The following IL1RAPL1 variants were observed in gnomAD, a reference collection of about 807,000 sequenced individuals.
IL1RAPL1 encodes the protein interleukin-1 receptor accessory protein-like 1.
In IL1RAPL1, 3 loss-of-function variants were observed where a neutral mutation model predicts 48.4. The ratio of observed to expected loss-of-function variants is 0.06; its 90% CI spans 0.03 to 0.16. The LOEUF (loss-of-function observed/expected upper bound fraction) is 0.16. IL1RAPL1 is among the 10% of genes least tolerant of loss of function. The probability of loss-of-function intolerance (pLI) is 1.00; values close to 1 mark genes in which losing one functional copy is unlikely to be tolerated. For synonymous variants in IL1RAPL1, 185 were observed against 187.7 expected (o/e 0.99, Z 0.12); for missense variants, 349 against 530.6 (o/e 0.66, Z 3.36).
At chrX:29,256,021 G>C (rs1931752416) in intron 2 of IL1RAPL1, among the ~76,000 whole-genome samples, 1 of 111,627 alleles carries the variant, frequency 9.0e-6, no homozygotes, top group African/African-American at 3.3e-5. Flanking sequence ...TTGGTTAACT[G>C]AGAAATCTCC....
At chrX:29,192,539 A>G (rs73212132) in intron 2 of IL1RAPL1, among the ~76,000 whole-genome samples, 1,617 of 111,890 alleles carry the variant, frequency 0.014, 18 homozygotes, top group Non-Finnish European at 0.021. Flanking sequence ...TAGAAAACCA[A>G]ATCTATATCA....
chrX:29,906,326 C>A (rs1323280126), intron 6 of IL1RAPL1, among the ~76,000 whole-genome samples: 1 of 87,478 alleles, frequency 1.1e-5, no homozygotes, highest in Non-Finnish European at 2.1e-5. Flanking sequence ...TAGAGCGAGA[C>A]TCTGTCTCAA....
chrX:29,397,767 T>TC (rs989747204), intron 4 of IL1RAPL1, among the ~76,000 whole-genome samples: 2 of 111,491 alleles, frequency 1.8e-5, no homozygotes, highest in African/African-American at 3.3e-5. Flanking sequence ...CCCTTTTTTT[T>TC]CTTAGTACTC....
chrX:28,709,533 A>T (rs1048512294), intron 1 of IL1RAPL1, among the ~76,000 whole-genome samples: 1 of 111,247 alleles, frequency 9.0e-6, no homozygotes, highest in East Asian at 2.8e-4. Flanking sequence ...CAGGAAAAAA[A>T]AATGTTCAGC....
Position 29,237,113 on chromosome X carries a change from A to G in IL1RAPL1, c.83-45825A>G, listed in dbSNP as rs146631675. Among the ~76,000 whole-genome samples the G allele has an allele frequency of 1.8e-3, 199 of 111,128 alleles. 1 individual carries two copies. The highest frequency in any genetic ancestry group is 0.016 in the Admixed American group (165 of 10,369). On this transcript the variant is annotated intron_variant, in intron 2 of 10. Transcript: ENST00000378993. ...TTTTTATGAGGTTTCAACAAGTAAT[A>G]TATCTGCATGATGGGTTGTTCCAAG... is the stretch of plus-strand genomic sequence containing the variant.
chrX:29,395,583 C>G (rs1056032862), intron 3 of IL1RAPL1, among the ~76,000 whole-genome samples: 4 of 111,949 alleles, frequency 3.6e-5, no homozygotes, highest in African/African-American at 1.3e-4. Flanking sequence ...TAGAATCTGT[C>G]TATCAGGATG....
intron 3 of IL1RAPL1, among the ~76,000 whole-genome samples, chrX:29,337,779 A>C (rs903376123): frequency 8.1e-5 from 9 of 110,752 alleles, no homozygotes; most frequent in African/African-American, 3.0e-4. Flanking sequence ...GGTTTAAGTG[A>C]TTCTCCTGCT....
At chrX:29,022,623 G>A (rs1926396235) in intron 2 of IL1RAPL1, among the ~76,000 whole-genome samples, 1 of 111,226 alleles carries the variant, frequency 9.0e-6, no homozygotes, top group Admixed American at 9.6e-5. Context: ...CTTAAATAAT[G>A]GGTGATTAGC....
intron 3 of IL1RAPL1, among the ~76,000 whole-genome samples, chrX:29,355,619 C>G (rs369429986): frequency 9.9e-5 from 11 of 111,649 alleles, no homozygotes; most frequent in Non-Finnish European, 1.7e-4. Flanking sequence ...TAAACTGTTA[C>G]GCTAATTATC....
At chrX:28,657,600 C>G (rs1388885764) in intron 1 of IL1RAPL1, among the ~76,000 whole-genome samples, 1 of 112,613 alleles carries the variant, frequency 8.9e-6, no homozygotes, top group Non-Finnish European at 1.9e-5. Flanking sequence ...GACCTTTTCC[C>G]TTTAATAAAG....
rs374813058 is a variant in IL1RAPL1, at chrX:29,560,496, C to T, written c.704-107934C>T. On this transcript the variant is annotated intron_variant, in intron 5 of 10. Coordinates refer to ENST00000378993, the MANE Select transcript of IL1RAPL1 (RefSeq NM_014271.4). ...CCTTTCTATATCTTTCTGGAACTCC[C>T]GTAGTGAATGTATCGGTTCTCTTCA... 7.2e-5 allele frequency among the ~76,000 whole-genome samples: 8 copies of T among 111,555 alleles called. No individual in the cohort carries two copies. The East Asian group carries it at 1.1e-3, about 16-fold the overall frequency.
chrX:28,744,223 A>G (rs896124719), intron 1 of IL1RAPL1, among the ~76,000 whole-genome samples: 11 of 111,329 alleles, frequency 9.9e-5, no homozygotes, highest in Non-Finnish European at 1.9e-4. Flanking sequence ...TGCACCTATG[A>G]CGGAGAGATA....
chrX:28,907,728 G>A (rs1221075438), intron 2 of IL1RAPL1, among the ~76,000 whole-genome samples: 1 of 112,201 alleles, frequency 8.9e-6, no homozygotes, highest in East Asian at 2.8e-4. Flanking sequence ...GTCTATTAGG[G>A]TTTGGTACTA....
intron 5 of IL1RAPL1, among the ~76,000 whole-genome samples, chrX:29,660,109 C>T (rs1032417425): frequency 9.0e-6 from 1 of 111,257 alleles, no homozygotes; most frequent in Non-Finnish European, 1.9e-5. Context: ...CGAACTCACT[C>T]ACTATCATGA....
chrX:28,660,769 T>A (rs1194361412), intron 1 of IL1RAPL1, among the ~76,000 whole-genome samples: 1 of 111,229 alleles, frequency 9.0e-6, no homozygotes, highest in African/African-American at 3.3e-5. Flanking sequence ...CGAAGAAAAG[T>A]CACAAAAAAT....
At chrX:28,961,853 G>T (rs1240219752) in intron 2 of IL1RAPL1, among the ~76,000 whole-genome samples, 1 of 111,561 alleles carries the variant, frequency 9.0e-6, no homozygotes, top group Non-Finnish European at 1.9e-5. Flanking sequence ...CACTCTTTGA[G>T]AAATATTGGT....
At chrX:28,792,245 T>A (rs1936546574) in intron 2 of IL1RAPL1, among the ~76,000 whole-genome samples, 1 of 111,716 alleles carries the variant, frequency 9.0e-6, no homozygotes, top group Non-Finnish European at 1.9e-5. Flanking sequence ...AACTAGATAT[T>A]TTAATAATTA....
At chrX:29,767,663 A>T (rs945971197) in intron 6 of IL1RAPL1, among the ~76,000 whole-genome samples, 1 of 112,104 alleles carries the variant, frequency 8.9e-6, no homozygotes, top group Non-Finnish European at 1.9e-5. Flanking sequence ...ATGGAAAAGA[A>T]TTATGTTGAT....
rs145331859 is a variant in IL1RAPL1, at chrX:28,820,167, A to G, written c.82+30742A>G. Among the ~76,000 whole-genome samples the G allele has an allele frequency of 9.5e-4, 102 of 107,414 alleles. 2 individuals carry two copies. The East Asian group carries it at 0.017, about 18-fold the overall frequency. 93.3% of individuals were successfully genotyped at this position (107,414 alleles called of 115,157 possible). A position where few individuals can be genotyped will look rare whatever the true frequency, so the allele number is the denominator to read the frequency against. On this transcript the variant is annotated intron_variant, in intron 2 of 10. Transcript: ENST00000378993. ...GATGAAAACAAAATCTACAAAATGTATGAAGATAACCATTTGGGGGTTTTG... is the reference window on the plus strand; with the variant it reads ...GATGAAAACAAAATCTACAAAATGTGTGAAGATAACCATTTGGGGGTTTTG...
Sources: allele counts gnomAD v4.1 joint callset (sites outside exome capture counted in the v4.1 genomes callset), GRCh38; gene constraint gnomAD v4.1.1; transcripts MANE v1.5; gene names NCBI Gene and HGNC (gene_info 2026-07-23, HGNC 2026-07-21).